CCDC169: variants seen among roughly 807,000 people sequenced by gnomAD.
The protein encoded by CCDC169 is coiled-coil domain-containing protein 169.
Under a neutral mutation model 36.0 loss-of-function variants are expected in CCDC169, and 30 were observed. The observed-to-expected ratio is 0.83, with a 90% CI of 0.62 to 1.13. The LOEUF is 1.13. Among genes scored for constraint, CCDC169 ranks in the 50% most tolerant of loss-of-function variants. The pLI is 0.00. For missense variants in CCDC169, 245 were observed against 245.9 expected, an observed-to-expected ratio of 1.00 and a Z score of 0.03; for synonymous variants, 85 against 81.5, an observed-to-expected ratio of 1.04 and a Z score of -0.23.
intron 7 of CCDC169, chr13:36,240,642 T>C (rs1871691100): frequency 7.8e-7 from 1 of 1,284,198 alleles, no homozygotes; most frequent in Non-Finnish European, 1.0e-6. Context: ...ATTTTCTTCC[T>C]TTAGGGCTTT....
intron 4 of CCDC169, among the ~76,000 whole-genome samples, chr13:36,263,740 ATGGTTT>A (rs1874893538): frequency 6.6e-6 from 1 of 152,214 alleles, no homozygotes; most frequent in Non-Finnish European, 1.5e-5. Context: ...AGTATCATGA[ATGGTTT>A]CCAGTTCCCT....
chr13:36,239,934 A>G (rs1871570108), intron 7 of CCDC169, among the ~76,000 whole-genome samples: 1 of 152,188 alleles, frequency 6.6e-6, no homozygotes, highest in African/African-American at 2.4e-5. Flanking sequence ...TATAACTTTT[A>G]TTACAGTATG....
At chr13:36,239,101 G>C (rs2138411800) in intron 7 of CCDC169, among the ~76,000 whole-genome samples, 1 of 152,104 alleles carries the variant, frequency 6.6e-6, no homozygotes, top group Non-Finnish European at 1.5e-5. Context: ...AGCTGGACAT[G>C]GTGGCTCATG....
chr13:36,280,224 T>C (rs1877331369), intron 4 of CCDC169: 1 of 152,036 alleles, frequency 6.6e-6, no homozygotes, highest in Non-Finnish European at 1.5e-5. Flanking sequence ...TCCTTGCCTA[T>C]AAAAAGGAAA....
intron 7 of CCDC169, 82 bp from the exon 8 acceptor site, chr13:36,231,374 G>A: frequency 2.3e-6 from 3 of 1,329,264 alleles, no homozygotes; most frequent in Non-Finnish European, 3.1e-6. Context: ...AGGAAGAAAT[G>A]TATATTGCAC....
At chr13:36,247,539 C>A (rs550292520) in intron 7 of CCDC169, among the ~76,000 whole-genome samples, 6 of 152,160 alleles carry the variant, frequency 3.9e-5, no homozygotes, top group African/African-American at 1.4e-4. Flanking sequence ...TGATTCCAAC[C>A]CTCACAGATG....
At chr13:36,243,625 G>A (rs1872132952) in intron 7 of CCDC169, among the ~76,000 whole-genome samples, 1 of 152,078 alleles carries the variant, frequency 6.6e-6, no homozygotes, top group Non-Finnish European at 1.5e-5. Flanking sequence ...TGATCAACAT[G>A]AAGAAACCCT....
At chr13:36,231,659 G>A (rs1016370748) in intron 7 of CCDC169, among the ~76,000 whole-genome samples, 3 of 152,178 alleles carry the variant, frequency 2.0e-5, no homozygotes. Context: ...GCACTAAAAA[G>A]CCAACCTTCC....
chr13:36,248,249 C>T (rs1872729354), intron 7 of CCDC169, among the ~76,000 whole-genome samples: 1 of 152,112 alleles, frequency 6.6e-6, no homozygotes, highest in East Asian at 1.9e-4. Flanking sequence ...GTGATACTTG[C>T]TTCATTACAG....
chr13:36,234,384 G>A (rs962273866), intron 7 of CCDC169, among the ~76,000 whole-genome samples: 10 of 152,090 alleles, frequency 6.6e-5, no homozygotes, highest in African/African-American at 2.4e-4. Flanking sequence ...TGTATAATGA[G>A]TGTCCCAGAA....
At chr13:36,255,499 C>T (rs1391518007) in intron 4 of CCDC169, among the ~76,000 whole-genome samples, 2 of 151,992 alleles carry the variant, frequency 1.3e-5, no homozygotes, top group South Asian at 2.1e-4. Flanking sequence ...CCTGTCTGCA[C>T]TAAAAATACA....
chr13:36,286,174 G>C (rs1478524175), intron 2 of CCDC169, among the ~76,000 whole-genome samples: 1 of 152,132 alleles, frequency 6.6e-6, no homozygotes, highest in African/African-American at 2.4e-5. Flanking sequence ...TAGGATATTA[G>C]GGAATTTCCC....
chr13:36,241,843 T>G (rs960455696), intron 7 of CCDC169, among the ~76,000 whole-genome samples: 2 of 152,188 alleles, frequency 1.3e-5, no homozygotes, highest in African/African-American at 4.8e-5. Flanking sequence ...CCAAATCTCA[T>G]GTTGAATTGT....
At chr13:36,228,604 C>T (rs1055865715), downstream of CCDC169, among the ~76,000 whole-genome samples, 10 of 151,962 alleles carry the variant, frequency 6.6e-5, no homozygotes, top group East Asian at 3.9e-4. Flanking sequence ...CTGTTGCCCA[C>T]GCTGGAGTGC....
chr13:36,231,330 C>T (rs1400851489), intron 7 of CCDC169, 38 bp from the exon 8 acceptor site: 1 of 1,540,684 alleles, frequency 6.5e-7, no homozygotes, highest in Non-Finnish European at 8.8e-7. Flanking sequence ...TTTTCAGTCA[C>T]CATTATGTAC....
intron 2 of CCDC169, among the ~76,000 whole-genome samples, chr13:36,285,614 G>GATACATACATAC (rs60807853): frequency 2.9e-5 from 4 of 138,074 alleles, no homozygotes; most frequent in African/African-American, 1.1e-4. Flanking sequence ...TAGATAGATA[G>GATACATACATAC]ATAGATACAT....
In CCDC169 at chr13:36,261,619, T is replaced by C. The variant is rs147489252; in HGVS notation, c.316-7476A>G. Among the ~76,000 whole-genome samples, 7 of 152,280 alleles carry C rather than the reference T, an allele frequency of 4.6e-5. No individual in the cohort carries two copies. In the East Asian group the frequency reaches 1.4e-3, roughly 29 times the overall value. ...TGGGACTGGCTGGACACTCAACTGG[T>C]TGATATCCAAGACTGGCAGCCTAGC... On this transcript the variant is annotated intron_variant, in intron 4 of 7. Transcript: ENST00000239859.
At chr13:36,285,557 TAAAAATTTTTCTCAAA>T (rs1878083928) in intron 2 of CCDC169, among the ~76,000 whole-genome samples, 1 of 129,638 alleles carries the variant, frequency 7.7e-6, no homozygotes, top group Non-Finnish European at 1.8e-5. Flanking sequence ...CTCAAAAAAA[TAAAAATTTTTCTCAAA>T]AAAATAAAAT....
intron 2 of CCDC169, among the ~76,000 whole-genome samples, chr13:36,294,274 T>C (rs1468416369): frequency 2.0e-5 from 3 of 152,182 alleles, no homozygotes; most frequent in Non-Finnish European, 2.9e-5. Flanking sequence ...GGCATAGTTA[T>C]TGCATGTGTA....
Sources: allele counts gnomAD v4.1 joint callset (sites outside exome capture counted in the v4.1 genomes callset), GRCh38; gene constraint gnomAD v4.1.1; transcripts MANE v1.5; gene names NCBI Gene and HGNC (gene_info 2026-07-23, HGNC 2026-07-21).